The following WIPF1 variants were observed in gnomAD, a reference collection of about 807,000 sequenced individuals.
WIPF1 encodes WAS/WASL interacting protein family member 1.
In WIPF1, 13 loss-of-function variants were observed where a neutral mutation model predicts 35.4. The ratio of observed to expected loss-of-function variants is 0.37; its 90% CI spans 0.24 to 0.58. The LOEUF is 0.58. WIPF1 is among the 20% of genes least tolerant of loss of function. The pLI is 0.74. For synonymous variants in WIPF1, 267 were observed against 266.3 expected, an observed-to-expected ratio of 1.00 and a Z score of -0.02; for missense variants, 591 against 667.0, an observed-to-expected ratio of 0.89 and a Z score of 1.25.
At chr2:174,657,120 A>T (rs957713216) in intron 1 of WIPF1, among the ~76,000 whole-genome samples, 1 of 152,384 alleles carries the variant, frequency 6.6e-6, no homozygotes, top group East Asian at 1.9e-4. Context: ...CTACATTTAT[A>T]CTGGCTTGAT....
intron 7 of WIPF1, 22 bp downstream of exon 7, chr2:174,567,048 A>C: frequency 1.9e-6 from 3 of 1,611,998 alleles, no homozygotes; most frequent in Non-Finnish European, 2.5e-6. Flanking sequence ...GAATCTTCAA[A>C]AACCTTGGCA....
intron 1 of WIPF1, among the ~76,000 whole-genome samples, chr2:174,675,657 A>G (rs966675150): frequency 7.2e-5 from 11 of 152,140 alleles, no homozygotes; most frequent in African/African-American, 2.2e-4. Flanking sequence ...CTTGGTCAAC[A>G]GTACAATATA....
At position 174,585,607 on chromosome 2, in the gene WIPF1, T is replaced by C. The variant is rs776247686; in HGVS notation, c.-34A>G. 3.1e-6 allele frequency: 5 copies of C among 1,606,916 alleles called. No homozygotes were observed. In the East Asian group the frequency reaches 1.1e-4, roughly 36 times the overall value. Reference sequence around the variant, plus strand: ...GTTATGCGTTCAACAGTCTTGCTGATAAATCTGGAAAAACAAGAATGCGAT... The same window carrying C: ...GTTATGCGTTCAACAGTCTTGCTGACAAATCTGGAAAAACAAGAATGCGAT... On this transcript the variant is annotated 5_prime_UTR_variant, in exon 2 of 8. Transcript: ENST00000679041.
At chr2:174,595,290 C>CAAAA (rs377491345) in intron 1 of WIPF1, among the ~76,000 whole-genome samples, 883 of 45,232 alleles carry the variant, frequency 0.02, 23 homozygotes, top group African/African-American at 0.069. Context: ...AACCCTGTCT[C>CAAAA]AAAAAAAAAA....
chr2:174,588,065 G>A (rs547075234), intron 1 of WIPF1, among the ~76,000 whole-genome samples: 17 of 152,332 alleles, frequency 1.1e-4, no homozygotes, highest in African/African-American at 3.6e-4. Flanking sequence ...CATCTCCAGC[G>A]GCACATTCAG....
Position 174,590,394 on chromosome 2 carries a change from C to T in WIPF1, c.-38-4783G>A, listed in dbSNP as rs1685567797. The stretch of plus-strand genomic sequence containing the variant: ...CCTGCTGGTACAAGCTGCTGAGTGC[C>T]TGGCAGAGGAGGGATGGACCTGGAG... On this transcript the variant is annotated intron_variant, in intron 1 of 7. Coordinates refer to ENST00000679041, the MANE Select transcript of WIPF1 (RefSeq NM_001375834.1). The surrounding 1 kb of genome is among the most constrained non-coding windows in gnomAD (Gnocchi z 4.6). Among the ~76,000 whole-genome samples the T allele has an allele frequency of 6.6e-6, 1 of 152,166 alleles. No individual in the cohort carries two copies. Among genetic ancestry groups the T allele is most frequent in the Non-Finnish European group, 1.5e-5 (1 of 68,028 alleles).
chr2:174,563,189 T>C (rs536881970), intron 7 of WIPF1, among the ~76,000 whole-genome samples: 1 of 152,296 alleles, frequency 6.6e-6, no homozygotes, highest in African/African-American at 2.4e-5. Flanking sequence ...GGGTGTAAAG[T>C]TGTATCTCAC....
At chr2:174,679,691 T>C (rs1197161360) in intron 1 of WIPF1, among the ~76,000 whole-genome samples, 1 of 152,150 alleles carries the variant, frequency 6.6e-6, no homozygotes, top group Non-Finnish European at 1.5e-5. Flanking sequence ...CTAGTTAAAG[T>C]GTATTAAGCA....
chr2:174,601,088 AT>A (rs11342932), upstream of WIPF1, among the ~76,000 whole-genome samples: 7,524 of 147,702 alleles, frequency 0.051, 647 homozygotes, highest in African/African-American at 0.18. Context: ...CGCCTGGCTA[AT>A]TTTTTTTTTG....
chr2:174,642,232 C>T (rs1687310917), intron 1 of WIPF1, among the ~76,000 whole-genome samples: 1 of 152,136 alleles, frequency 6.6e-6, no homozygotes, highest in Admixed American at 6.5e-5. Context: ...CAGCAGCTCT[C>T]CTAGGGACCC....
intron 1 of WIPF1, among the ~76,000 whole-genome samples, chr2:174,641,213 G>A (rs1292258495): frequency 6.6e-6 from 1 of 152,130 alleles, no homozygotes; most frequent in African/African-American, 2.4e-5. Context: ...GATGAGGGAA[G>A]GTGTTAAATT....
At position 174,571,312 on chromosome 2, in the gene WIPF1, G is replaced by A. The variant is rs1441620607; in HGVS notation, c.1129+364C>T. On this transcript the variant is annotated intron_variant, in intron 5 of 7. Coordinates refer to ENST00000679041, the MANE Select transcript of WIPF1 (RefSeq NM_001375834.1). This position sits in a 1 kb window ranked among gnomAD's most constrained non-coding sequence, Gnocchi z 4.6. The stretch of plus-strand genomic sequence containing the variant: ...ACAGAGCCCTCCTGCGGGAGGTGGG[G>A]ACTTATTTTCCCAATTAAGACCGCC... 7.9e-6 allele frequency: 4 copies of A among 505,640 alleles called. No individual in the cohort carries two copies. The Admixed American group carries it at 1.5e-4, about 19-fold the overall frequency. The allele number at this position is 505,640 out of a possible 1,614,324, so 31.3% of individuals were successfully genotyped here.
At chr2:174,671,092 T>C (rs1016183560) in intron 1 of WIPF1, among the ~76,000 whole-genome samples, 16 of 152,194 alleles carry the variant, frequency 1.1e-4, no homozygotes, top group African/African-American at 3.9e-4. Flanking sequence ...CAGATGCAAC[T>C]GTGTGTGATA....
At chr2:174,585,701 C>T (rs1329901986) in intron 1 of WIPF1, 90 bp from the exon 2 acceptor site, 1 of 881,574 alleles carries the variant, frequency 1.1e-6, no homozygotes, top group African/African-American at 1.7e-5. Context: ...AGTGACAGCT[C>T]CACCTAGCTC....
intron 1 of WIPF1, among the ~76,000 whole-genome samples, chr2:174,621,733 T>C (rs1390401802): frequency 6.6e-6 from 1 of 152,220 alleles, no homozygotes; most frequent in African/African-American, 2.4e-5. Context: ...ACTAACGAGA[T>C]ATTTTATATT....
chr2:174,580,839 A>G (rs1685213719), intron 3 of WIPF1, among the ~76,000 whole-genome samples: 1 of 152,214 alleles, frequency 6.6e-6, no homozygotes. Context: ...TACAGGCATT[A>G]TCTCATTTGA....
intron 1 of WIPF1, among the ~76,000 whole-genome samples, chr2:174,607,022 G>A (rs1413975684): frequency 1.3e-5 from 2 of 152,268 alleles, no homozygotes; most frequent in Middle Eastern, 3.4e-3. Context: ...AGGCAGGGAA[G>A]GAAGGAAACA....
intron 1 of WIPF1, among the ~76,000 whole-genome samples, chr2:174,585,861 A>G (rs1324713238): frequency 5.9e-5 from 9 of 152,170 alleles, no homozygotes; most frequent in African/African-American, 1.7e-4. Context: ...TCCCCCACCC[A>G]CTACAGTAGG....
intron 1 of WIPF1, chr2:174,665,632 T>C (rs1687875077): frequency 6.6e-6 from 1 of 152,242 alleles, no homozygotes; most frequent in African/African-American, 2.4e-5. Flanking sequence ...CAACCGGCTT[T>C]TTCTTCTTAA....
Sources: gnomAD v4.1 joint callset for allele counts (sites outside exome capture counted in the v4.1 genomes callset) on GRCh38, gnomAD v4.1.1 for gene constraint, Gnocchi (gnomAD v3.1) non-coding constraint, MANE v1.5 for transcripts, NCBI Gene and HGNC (gene_info 2026-07-23, HGNC 2026-07-21) for gene names.